Variants in GDPD4 observed in about 807,000 individuals in gnomAD.
GDPD4 encodes the protein glycerophosphodiester phosphodiesterase 6.
In GDPD4, 60 loss-of-function variants were observed where a neutral mutation model predicts 67.8. The ratio of observed to expected loss-of-function variants is 0.88; its 90% confidence interval spans 0.72 to 1.10. GDPD4 has a LOEUF of 1.10. GDPD4 is among the 50% of genes least tolerant of loss of function. The pLI is 0.00. For synonymous variants in GDPD4, 212 were observed against 210.9 expected (o/e 1.00, Z -0.04); for missense variants, 623 against 613.9 (o/e 1.01, Z -0.16).
Position 77,229,134 on chromosome 11 carries a change from TTA to T in GDPD4, c.1472+14_1472+15del. ...TATTTTGGAAAAAATTCATTTAAAA[TTA>T]TATATATACTTACCAGTGAAAACAA... On this transcript the variant is annotated intron_variant, in intron 15 of 16. Transcript: ENST00000315938. 4 of 1,244,078 alleles carry T rather than the reference TTA, an allele frequency of 3.2e-6. No homozygotes were observed. The highest frequency in any genetic ancestry group is 1.5e-5 in the South Asian group (1 of 66,702). 77.1% of individuals were successfully genotyped at this position (1,244,078 alleles called of 1,614,324 possible).
intron 15 of GDPD4, among the ~76,000 whole-genome samples, chr11:77,228,643 A>G (rs901442052): frequency 2.5e-4 from 38 of 151,916 alleles, no homozygotes; most frequent in African/African-American, 7.7e-4. Context: ...ATGCCACTGC[A>G]TGCCACCGCA....
At position 77,245,473 on chromosome 11, in the gene GDPD4, T is replaced by C. The variant is rs759578408; in HGVS notation, c.894A>G (p.Leu298=). 4.8e-5 allele frequency: 77 copies of C among 1,613,930 alleles called. 1 individual carries two copies. The South Asian group carries it at 8.0e-4, about 17-fold the overall frequency. ...TTGCTCTTTCTTTATCTGCCTCTGATAGAGGTTTCATATTGTAAAATGGCC... is the reference window on the plus strand; with the variant it reads ...TTGCTCTTTCTTTATCTGCCTCTGACAGAGGTTTCATATTGTAAAATGGCC... ...ELRPFYNMKP[L]SEADKERARN... is the part of the protein sequence containing the mutation. The change falls in exon 12 of 17, where the codon CTA becomes CTG. Residue 298 remains leucine, a synonymous_variant. Coordinates refer to ENST00000315938, the MANE Select transcript of GDPD4 (RefSeq NM_182833.3).
At chr11:77,225,884 TTC>T (rs1379537116) in intron 16 of GDPD4, among the ~76,000 whole-genome samples, 1 of 152,168 alleles carries the variant, frequency 6.6e-6, no homozygotes, top group Non-Finnish European at 1.5e-5. Context: ...AGGTCCTGAC[TTC>T]TGTCTAGTCT....
At chr11:77,274,569 G>A (rs1461496532) in intron 5 of GDPD4, among the ~76,000 whole-genome samples, 4 of 152,114 alleles carry the variant, frequency 2.6e-5, no homozygotes, top group Non-Finnish European at 5.9e-5. Flanking sequence ...CACCGTGATT[G>A]TATGCTTCCT....
chr11:77,289,781 G>C (rs1393148737), intron 1 of GDPD4, among the ~76,000 whole-genome samples: 1 of 138,864 alleles, frequency 7.2e-6, no homozygotes, highest in East Asian at 2.1e-4. Context: ...AGCGAGGGAG[G>C]GGAGGGAAAG....
chr11:77,294,767 T>C (rs1937892401), intron 1 of GDPD4, among the ~76,000 whole-genome samples: 1 of 151,964 alleles, frequency 6.6e-6, no homozygotes, highest in South Asian at 2.1e-4. Flanking sequence ...GTTACCAAGA[T>C]AGCGTGGAAT....
At chr11:77,240,795 C>A (rs6592713) in intron 13 of GDPD4, among the ~76,000 whole-genome samples, 41,323 of 151,988 alleles carry the variant, frequency 0.27, 6,664 homozygotes, top group South Asian at 0.45. Flanking sequence ...AAAGAAGACA[C>A]AAATAGCCAA....
At chr11:77,299,777 G>T (rs1670456) in intron 1 of GDPD4, among the ~76,000 whole-genome samples, 2 of 152,006 alleles carry the variant, frequency 1.3e-5, no homozygotes, top group Non-Finnish European at 2.9e-5. Context: ...AACAATCAGC[G>T]CAGGTCACCT....
intron 14 of GDPD4, 71 bp downstream of exon 14, chr11:77,232,954 C>G: frequency 6.9e-7 from 1 of 1,458,454 alleles, no homozygotes; most frequent in Non-Finnish European, 9.5e-7. Context: ...GCACAGTGGG[C>G]AACACAGGGC....
intron 1 of GDPD4, among the ~76,000 whole-genome samples, chr11:77,290,399 T>C (rs949891373): frequency 5.9e-5 from 9 of 152,200 alleles, no homozygotes; most frequent in Admixed American, 3.3e-4. Context: ...TGTAAAAATC[T>C]AAATCACATT....
intron 1 of GDPD4, among the ~76,000 whole-genome samples, chr11:77,296,925 G>T (rs1022915483): frequency 1.3e-5 from 2 of 151,410 alleles, no homozygotes; most frequent in Admixed American, 1.3e-4. Context: ...ATGGTGGTGT[G>T]CGCCTGTAGT....
Position 77,277,626 on chromosome 11 carries a change from G to C in GDPD4, c.148-1406C>G, listed in dbSNP as rs188291250. On this transcript the variant is annotated intron_variant, in intron 4 of 16. Transcript: ENST00000315938. ...TTATCATTTTTTATTGTGTCTATTT[G>C]ATTCTTCTCTCTTTTCTTCTTTATT... is the stretch of plus-strand genomic sequence containing the variant. 8.4e-3 allele frequency among the ~76,000 whole-genome samples: 1,270 copies of C among 151,524 alleles called. 28 individuals are homozygous for C. The highest frequency in any genetic ancestry group is 0.029 in the African/African-American group (1,209 of 41,344).
At chr11:77,278,530 A>G (rs1959596293) in intron 4 of GDPD4, among the ~76,000 whole-genome samples, 1 of 152,228 alleles carries the variant, frequency 6.6e-6, no homozygotes, top group Admixed American at 6.5e-5. Context: ...TCGTATACTC[A>G]GCACTTCTCA....
intron 1 of GDPD4, among the ~76,000 whole-genome samples, chr11:77,292,027 A>C (rs530896079): frequency 1.6e-3 from 238 of 151,192 alleles, no homozygotes; most frequent in African/African-American, 5.6e-3. Flanking sequence ...TGAAAGTCTC[A>C]AAAAAAAATT....
intron 11 of GDPD4, among the ~76,000 whole-genome samples, chr11:77,245,966 C>A (rs568094566): frequency 6.6e-6 from 1 of 152,324 alleles, no homozygotes; most frequent in Non-Finnish European, 1.5e-5. Flanking sequence ...AATGCTATTT[C>A]CCTCATGAAG....
chr11:77,268,341 A>G lies in GDPD4; in HGVS notation c.707+116T>C. On this transcript the variant is annotated intron_variant, in intron 10 of 16. Transcript: ENST00000315938. ...TAGTACATGCATATATGCCATATGA[A>G]CACAGGAACAACTCCCCAGGGCTTG... is the stretch of plus-strand genomic sequence containing the variant. The G allele has an allele frequency of 5.6e-6, 4 of 712,238 alleles. 1 individual carries two copies. In the South Asian group the frequency reaches 6.6e-5, roughly 12 times the overall value. The allele number at this position is 712,238 out of a possible 1,614,324, so 44.1% of individuals were successfully genotyped here. A position where few individuals can be genotyped will look rare whatever the true frequency, so the allele number is the denominator to read the frequency against.
At chr11:77,221,963 G>T (rs192248664) in intron 16 of GDPD4, among the ~76,000 whole-genome samples, 140 of 152,268 alleles carry the variant, frequency 9.2e-4, no homozygotes, top group African/African-American at 3.3e-3. Flanking sequence ...TTGTTGAATT[G>T]ATCCCTTTAC....
chr11:77,267,110 C>A (rs987941135), intron 10 of GDPD4, among the ~76,000 whole-genome samples: 4 of 152,120 alleles, frequency 2.6e-5, no homozygotes, highest in Non-Finnish European at 5.9e-5. Flanking sequence ...TTTTACCGTA[C>A]TTTTCCTATG....
At chr11:77,250,426 T>C (rs540149402) in intron 11 of GDPD4, among the ~76,000 whole-genome samples, 1 of 152,332 alleles carries the variant, frequency 6.6e-6, no homozygotes, top group Admixed American at 6.5e-5. Flanking sequence ...ATTTCACTCT[T>C]TTTTATAAGT....
Sources: gnomAD v4.1 joint callset for allele counts (sites outside exome capture counted in the v4.1 genomes callset) on GRCh38, gnomAD v4.1.1 for gene constraint, MANE v1.5 for transcripts, NCBI Gene and HGNC (gene_info 2026-07-23, HGNC 2026-07-21) for gene names.